The following CHD6 variants were observed in gnomAD, a reference collection of about 807,000 sequenced individuals.
The protein encoded by CHD6 is ATP-dependent chromatin remodeler CHD6.
A neutral mutation model predicts 276.9 loss-of-function variants in CHD6; 50 were observed. The observed-to-expected ratio is 0.18, with a 90% CI of 0.14 to 0.23. The LOEUF is 0.23. Ranked by LOEUF, CHD6 falls within the 10% of genes least tolerant of loss-of-function variation. The pLI, the probability that CHD6 is intolerant of heterozygous loss-of-function variation, is 1.00. For synonymous variants in CHD6, 1,173 were observed against 1,229.3 expected (o/e 0.95, Z 0.96); for missense variants, 2,564 against 3,365.8 (o/e 0.76, Z 5.89).
intron 2 of CHD6, among the ~76,000 whole-genome samples, chr20:41,533,905 AC>A: frequency 6.6e-6 from 1 of 152,182 alleles, no homozygotes; most frequent in Non-Finnish European, 1.5e-5. Flanking sequence ...ACTTGCAAAA[AC>A]CAAACTACCT....
At chr20:41,541,142 G>A (rs998589270) in intron 2 of CHD6, among the ~76,000 whole-genome samples, 2 of 152,080 alleles carry the variant, frequency 1.3e-5, no homozygotes, top group South Asian at 2.1e-4. Context: ...TGACCAGAGT[G>A]GGGGCAGGAA....
At chr20:41,484,759 A>T in intron 14 of CHD6, 152 bp from the exon 15 acceptor site, 11 of 774,574 alleles carry the variant, frequency 1.4e-5, no homozygotes. Context: ...CTGAAAATGG[A>T]GAGTTTATAA....
intron 14 of CHD6, chr20:41,486,025 T>A (rs2074951756): frequency 6.6e-6 from 1 of 152,208 alleles, no homozygotes; most frequent in Non-Finnish European, 1.5e-5. Context: ...TTTTTATGGT[T>A]TTCTCCTACC....
intron 1 of CHD6, among the ~76,000 whole-genome samples, chr20:41,551,739 A>G (rs146681764): frequency 6.6e-6 from 1 of 152,336 alleles, no homozygotes; most frequent in African/African-American, 2.4e-5. Flanking sequence ...GAAGAAAACA[A>G]TCAATGATGT....
At chr20:41,475,096 ATAGATT>A (rs2043140936) in intron 16 of CHD6, among the ~76,000 whole-genome samples, 1 of 152,242 alleles carries the variant, frequency 6.6e-6, no homozygotes, top group Non-Finnish European at 1.5e-5. Context: ...TCTGAATTCT[ATAGATT>A]TAATTATCAC....
At chr20:41,477,607 G>A (rs1424274032) in intron 16 of CHD6, among the ~76,000 whole-genome samples, 1 of 152,098 alleles carries the variant, frequency 6.6e-6, no homozygotes, top group East Asian at 1.9e-4. Context: ...TAAAATGACA[G>A]TAAAGGATGT....
Position 41,542,434 on chromosome 20 carries a change from T to C in CHD6, c.34-8864A>G, listed in dbSNP as rs564491293. On this transcript the variant is annotated intron_variant, in intron 2 of 36. Transcript: ENST00000373233. ...TCGGCTGGGCGCAGTGGCTCATGCC[T>C]GTAATCCCAGCACTTTGGGAGGCCA... 7.2e-5 allele frequency among the ~76,000 whole-genome samples: 11 copies of C among 152,348 alleles called. No individual in the cohort carries two copies. In the East Asian group the frequency reaches 1.9e-3, roughly 27 times the overall value.
At chr20:41,515,075 T>C in intron 3 of CHD6, 123 bp from the exon 4 acceptor site, 1 of 929,194 alleles carries the variant, frequency 1.1e-6, no homozygotes. Flanking sequence ...TAATGGGGAA[T>C]CTACAAGAGT....
chr20:41,576,562 G>C (rs1284482747), intron 1 of CHD6, among the ~76,000 whole-genome samples: 1 of 152,146 alleles, frequency 6.6e-6, no homozygotes, highest in Non-Finnish European at 1.5e-5. Flanking sequence ...GCATGCACCT[G>C]TAGTCCCAGG....
In CHD6 at chr20:41,421,768, T is replaced by C; in HGVS notation, c.4867A>G (p.Thr1623Ala). 1 of 1,614,192 alleles carries C rather than the reference T, an allele frequency of 6.2e-7. No homozygotes were observed. The highest frequency in any genetic ancestry group is 8.5e-7 in the Non-Finnish European group (1 of 1,180,024). Residue 1623 changes from threonine (T) to alanine (A), a missense_variant, in exon 31 of 37, where the codon ACC (threonine) becomes GCC (alanine). Physicochemically the swap from Thr to Ala is moderately conservative, Grantham distance 58. Coordinates refer to ENST00000373233, the MANE Select transcript of CHD6 (RefSeq NM_032221.5). ...RNYAQHKRSGTQAPGNLCCLY... is the reference protein window; with the variant it reads ...RNYAQHKRSGAQAPGNLCCLY... ...CAACAGAGATTTCCTGGTGCCTGGG[T>C]GCCAGATCTTTTATGCTGGGCATAG...
intron 1 of CHD6, among the ~76,000 whole-genome samples, chr20:41,606,631 C>T (rs2045831982): frequency 6.6e-6 from 1 of 150,912 alleles, no homozygotes; most frequent in African/African-American, 2.4e-5. Flanking sequence ...GCAGAGATCG[C>T]ACCACTGCAC....
At chr20:41,583,493 G>A (rs2045561856) in intron 1 of CHD6, among the ~76,000 whole-genome samples, 1 of 152,064 alleles carries the variant, frequency 6.6e-6, no homozygotes, top group South Asian at 2.1e-4. Context: ...ATAATTCAAT[G>A]TCGGCATACC....
chr20:41,415,395 C>T lies in CHD6; in HGVS notation c.6730G>A (p.Ala2244Thr), dbSNP rs778008576. The part of the protein sequence containing the change: ...PVSASTPKIG[A>T]ISSLQGALGM... The stretch of plus-strand genomic sequence containing the variant: ...AGGGCTCCCTGAAGTGAACTGATAG[C>T]CCCAATCTTAGGGGTGCTGGCGCTC... Residue 2244 changes from alanine (A) to threonine (T), a missense_variant, in exon 34 of 37, where the codon GCT becomes ACT. By Grantham distance (58) the Ala-to-Thr change is moderately conservative (BLOSUM62 0). Coordinates refer to ENST00000373233, the MANE Select transcript of CHD6 (RefSeq NM_032221.5). The T allele has an allele frequency of 6.2e-7, 1 of 1,613,564 alleles. No homozygotes were observed. The highest frequency in any genetic ancestry group is 1.7e-5 in the Admixed American group (1 of 59,892).
At chr20:41,413,547 A>C (rs1364809419) in intron 34 of CHD6, 32 bp from the exon 35 acceptor site, 4 of 1,445,486 alleles carry the variant, frequency 2.8e-6, no homozygotes, top group Non-Finnish European at 2.8e-6. Context: ...ATGTATAATC[A>C]CGACACAATG....
intron 3 of CHD6, among the ~76,000 whole-genome samples, chr20:41,525,386 G>A (rs2044506475): frequency 6.6e-6 from 1 of 152,114 alleles, no homozygotes; most frequent in South Asian, 2.1e-4. Flanking sequence ...TCCGCTTCTG[G>A]CCTGCCTCCA....
rs2046589944 is a variant in CHD6 at position 41,403,651 on chromosome 20, G to C, written c.*942C>G. 1 of 1,061,070 alleles carries C rather than the reference G, an allele frequency of 9.4e-7. No individual in the cohort carries two copies. The allele number at this position is 1,061,070 out of a possible 1,614,324, so 65.7% of individuals were successfully genotyped here. A position where few individuals can be genotyped will look rare whatever the true frequency, so the allele number is the denominator to read the frequency against. On this transcript the variant is annotated 3_prime_UTR_variant, in exon 37 of 37. Coordinates refer to ENST00000373233, the MANE Select transcript of CHD6 (RefSeq NM_032221.5). ...GGCAACTGTCTTCTTGCAGGCTCCAGAAAGAACCTTATTCTTGGTGAAGGA... is the reference window on the plus strand; with the variant it reads ...GGCAACTGTCTTCTTGCAGGCTCCACAAAGAACCTTATTCTTGGTGAAGGA...
intron 1 of CHD6, among the ~76,000 whole-genome samples, chr20:41,607,669 C>T (rs2045843367): frequency 6.6e-6 from 1 of 151,006 alleles, no homozygotes; most frequent in Non-Finnish European, 1.5e-5. Flanking sequence ...GGGTCTTGCT[C>T]TCAAGTCTCA....
At chr20:41,507,596 G>T (rs927359198) in intron 5 of CHD6, among the ~76,000 whole-genome samples, 1 of 152,124 alleles carries the variant, frequency 6.6e-6, no homozygotes, top group African/African-American at 2.4e-5. Context: ...GCGTAAGTAC[G>T]ATCATGTGTG....
At chr20:41,552,381 C>A (rs1217502694) in intron 1 of CHD6, among the ~76,000 whole-genome samples, 1 of 152,128 alleles carries the variant, frequency 6.6e-6, no homozygotes, top group African/African-American at 2.4e-5. Context: ...GGCATTAAGT[C>A]TTAATAGAGC....
Sources: gnomAD v4.1 joint callset for allele counts (sites outside exome capture counted in the v4.1 genomes callset) on GRCh38, gnomAD v4.1.1 for gene constraint, MANE v1.5 for transcripts, NCBI Gene and HGNC (gene_info 2026-07-23, HGNC 2026-07-21) for gene names.